The following ITPR1 variants were observed in gnomAD, a reference collection of about 807,000 sequenced individuals.
The protein encoded by ITPR1 is inositol 1,4,5-trisphosphate-gated calcium channel ITPR1.
Under a neutral mutation model 318.4 loss-of-function variants are expected in ITPR1, and 96 were observed. The observed-to-expected ratio is 0.30, with a 90% CI of 0.26 to 0.36. The LOEUF is 0.36. Among genes scored for constraint, ITPR1 ranks in the 10% least tolerant of loss-of-function variants. The probability of loss-of-function intolerance (pLI) is 1.00; values close to 1 mark genes in which losing one functional copy is unlikely to be tolerated. For synonymous variants in ITPR1, 1,312 were observed against 1,289.9 expected (o/e 1.02, Z -0.37); for missense variants, 2,440 against 3,460.2 (o/e 0.71, Z 7.40).
In ITPR1 at chr3:4,781,659, T is replaced by A. The variant is rs191528867; in HGVS notation, c.6388-960T>A. The stretch of plus-strand genomic sequence containing the variant: ...GTGACTTTAGGAATGTTCTTTTATC[T>A]CCTTGACTCTACTTCCTCATCCACT... On this transcript the variant is annotated intron_variant, in intron 49 of 61. Coordinates refer to ENST00000649015, the MANE Select transcript of ITPR1 (RefSeq NM_001378452.1). Among the ~76,000 whole-genome samples the A allele has an allele frequency of 5.9e-5, 9 of 152,290 alleles. No individual in the cohort carries two copies. The East Asian group carries it at 1.7e-3, about 29-fold the overall frequency.
chr3:4,546,878 C>G (rs2085068579), intron 4 of ITPR1, among the ~76,000 whole-genome samples: 1 of 139,686 alleles, frequency 7.2e-6, no homozygotes, highest in South Asian at 2.4e-4. Flanking sequence ...AAGATAGGAC[C>G]AGGGGAAGAG....
chr3:4,578,480 T>TTG lies in ITPR1; in HGVS notation c.164-49266_164-49265dup, dbSNP rs143203883. On this transcript the variant is annotated intron_variant, in intron 4 of 61. Transcript: ENST00000649015. ...GTTGCTTTGCCAGTGAGAATTTTTA[T>TTG]TGTGTGTGTGTGTGTGTGCATATAC... is the stretch of plus-strand genomic sequence containing the variant. Among the ~76,000 whole-genome samples the TTG allele has an allele frequency of 5.7e-3, 862 of 150,904 alleles. 5 individuals carry two copies. Among genetic ancestry groups the TTG allele is most frequent in the African/African-American group, 8.2e-3 (339 of 41,200 alleles).
intron 5 of ITPR1, among the ~76,000 whole-genome samples, chr3:4,634,917 A>G (rs1234686246): frequency 1.3e-5 from 2 of 152,114 alleles, no homozygotes; most frequent in African/African-American, 4.8e-5. Flanking sequence ...TTTTGGGGGT[A>G]TTTTTAGTAG....
intron 48 of ITPR1, among the ~76,000 whole-genome samples, chr3:4,778,345 C>T (rs1415785112): frequency 6.6e-6 from 1 of 152,208 alleles, no homozygotes; most frequent in African/African-American, 2.4e-5. Context: ...ATCTGCCCAT[C>T]CGCAGCAGCG....
chr3:4,762,038 G>A (rs1426460101), intron 44 of ITPR1, among the ~76,000 whole-genome samples: 4 of 142,510 alleles, frequency 2.8e-5, no homozygotes, highest in African/African-American at 5.0e-5. Flanking sequence ...CGCTCCAAGG[G>A]CACGCCCCTT....
At chr3:4,545,234 C>A (rs763283819) in intron 4 of ITPR1, among the ~76,000 whole-genome samples, 32 of 152,216 alleles carry the variant, frequency 2.1e-4, no homozygotes, top group Non-Finnish European at 4.4e-4. Flanking sequence ...TTTTCCTTTT[C>A]ATCCTAAAGG....
chr3:4,542,023 A>G (rs2084506798), intron 4 of ITPR1, among the ~76,000 whole-genome samples: 2 of 152,046 alleles, frequency 1.3e-5, no homozygotes, highest in Non-Finnish European at 2.9e-5. Flanking sequence ...TTTCTGTTCT[A>G]TTATAATCTG....
chr3:4,545,793 G>C (rs2084933131), intron 4 of ITPR1, among the ~76,000 whole-genome samples: 1 of 150,832 alleles, frequency 6.6e-6, no homozygotes, highest in Admixed American at 6.6e-5. Context: ...AGCCTCCTGG[G>C]CTCAAGTGAT....
chr3:4,562,179 A>G (rs1370262172), intron 4 of ITPR1, among the ~76,000 whole-genome samples: 1 of 152,210 alleles, frequency 6.6e-6, no homozygotes, highest in African/African-American at 2.4e-5. Context: ...ATTCAAAGCC[A>G]TCCTGGGCCG....
chr3:4,675,084 G>A lies in ITPR1; in HGVS notation c.2615G>A (p.Arg872Lys). The change falls in exon 23 of 62, where the codon AGG becomes AAG. Residue 872 changes from arginine to lysine, a missense_variant. Coordinates refer to ENST00000649015, the MANE Select transcript of ITPR1 (RefSeq NM_001378452.1). ...ATACAATAGGTTGTAAATTTAGCTA[G>A]GAATCTCATATACTTTGGTTTCTAC... ...KLTFEVVNLA[R>K]NLIYFGFYNF... 1.9e-6 allele frequency: 3 copies of A among 1,567,480 alleles called. No homozygotes were observed. The highest frequency in any genetic ancestry group is 1.1e-5 in the South Asian group (1 of 88,978).
At chr3:4,706,462 T>C in intron 37 of ITPR1, 111 bp downstream of exon 37, 1 of 937,568 alleles carries the variant, frequency 1.1e-6, no homozygotes, top group Non-Finnish European at 1.6e-6. Flanking sequence ...TGGGAAGATG[T>C]CGGTGTGCTG....
At chr3:4,668,624 C>A (rs185241461) in intron 18 of ITPR1, among the ~76,000 whole-genome samples, 10 of 152,284 alleles carry the variant, frequency 6.6e-5, no homozygotes, top group African/African-American at 2.2e-4. Context: ...CGTGCCACCA[C>A]ACCCAGCTAA....
chr3:4,561,601 A>G (rs990852916), intron 4 of ITPR1, among the ~76,000 whole-genome samples: 1 of 152,196 alleles, frequency 6.6e-6, no homozygotes, highest in Admixed American at 6.5e-5. Context: ...AGAAAATAAG[A>G]AAGAATGTAT....
intron 18 of ITPR1, among the ~76,000 whole-genome samples, chr3:4,668,556 C>A (rs1339168915): frequency 6.6e-6 from 1 of 152,090 alleles, no homozygotes; most frequent in Non-Finnish European, 1.5e-5. Context: ...CAACCTCCGC[C>A]TCCCGGGTTC....
At chr3:4,732,189 C>G (rs1462989278) in intron 42 of ITPR1, among the ~76,000 whole-genome samples, 2 of 152,124 alleles carry the variant, frequency 1.3e-5, no homozygotes, top group African/African-American at 4.8e-5. Context: ...TTGCCAGTAT[C>G]CCCCAGTATT....
intron 44 of ITPR1, among the ~76,000 whole-genome samples, chr3:4,758,493 A>G (rs1185376189): frequency 6.6e-6 from 1 of 152,172 alleles, no homozygotes; most frequent in African/African-American, 2.4e-5. Flanking sequence ...GCTGGCTCAC[A>G]TTCCAGGGAG....
intron 44 of ITPR1, chr3:4,750,030 C>G (rs2044386640): frequency 6.5e-6 from 1 of 152,742 alleles, no homozygotes; most frequent in Non-Finnish European, 1.5e-5. Context: ...AACAAAAAGA[C>G]AACTGCTTAG....
At position 4,670,890 on chromosome 3, in the gene ITPR1, G is replaced by A; in HGVS notation, c.2168G>A (p.Gly723Glu). The A allele has an allele frequency of 1.9e-6, 3 of 1,601,984 alleles. No individual in the cohort carries two copies. Among genetic ancestry groups the A allele is most frequent in the Non-Finnish European group, 2.6e-6 (3 of 1,172,758 alleles). The stretch of plus-strand genomic sequence containing the variant: ...GAATTGGCTCAGGATGCTAAAGAAG[G>A]GCAGAAGGAGGACCGAGACGTTCTC... The part of the protein sequence containing the change: ...VRELAQDAKE[G>E]QKEDRDVLSY... The change falls in exon 20 of 62, where the codon GGG (glycine) becomes GAG (glutamate). Residue 723 changes from glycine (G) to glutamate (E), a missense_variant. Around this residue, in one of 23 missense-constraint regions of ITPR1, gnomAD observed 478 missense variants for 696.3 expected, o/e 0.69. Coordinates refer to ENST00000649015, the MANE Select transcript of ITPR1 (RefSeq NM_001378452.1).
intron 4 of ITPR1, among the ~76,000 whole-genome samples, chr3:4,611,292 G>T (rs2092103139): frequency 1.3e-5 from 2 of 150,794 alleles, no homozygotes; most frequent in Non-Finnish European, 2.9e-5. Flanking sequence ...GAGTGCAGTG[G>T]CTCACGCCTG....
Sources: gnomAD v4.1 joint callset for allele counts (sites outside exome capture counted in the v4.1 genomes callset) on GRCh38, gnomAD v4.1.1 for gene constraint, gnomAD v4.1.1 regional missense constraint, MANE v1.5 for transcripts, NCBI Gene and HGNC (gene_info 2026-07-23, HGNC 2026-07-21) for gene names.